Variants in BRD4 observed in about 807,000 individuals in gnomAD.
The protein encoded by BRD4 is bromodomain-containing protein 4.
BRD4 carries 16 observed loss-of-function variants against 142.1 expected under a neutral mutation model. The ratio of observed to expected loss-of-function variants is 0.11; its 90% CI spans 0.08 to 0.17. The LOEUF (loss-of-function observed/expected upper bound fraction) is 0.17. Among genes scored for constraint, BRD4 ranks in the 10% least tolerant of loss-of-function variants. BRD4 has a pLI of 1.00. For synonymous variants in BRD4, 833 were observed against 707.5 expected, an observed-to-expected ratio of 1.18 and a Z score of -2.82; for missense variants, 1,424 against 1,810.9, an observed-to-expected ratio of 0.79 and a Z score of 3.88.
intron 1 of BRD4, among the ~76,000 whole-genome samples, chr19:15,310,213 CTTTTTTT>C (rs34519343): frequency 2.5e-5 from 3 of 122,408 alleles, no homozygotes; most frequent in Admixed American, 9.1e-5. Flanking sequence ...TTAAACAGTC[CTTTTTTT>C]TTTTTTTTTT....
intron 7 of BRD4, chr19:15,257,446 C>A (rs902803696): frequency 2.0e-6 from 1 of 496,130 alleles, no homozygotes; most frequent in Non-Finnish European, 3.6e-6. Flanking sequence ...ACCGCCCAGG[C>A]AAGGACATGA....
At chr19:15,297,732 C>G (rs1211724464) in intron 1 of BRD4, among the ~76,000 whole-genome samples, 1 of 152,170 alleles carries the variant, frequency 6.6e-6, no homozygotes, top group Non-Finnish European at 1.5e-5. Flanking sequence ...TGGACTCTAA[C>G]CAGGCGTCCT....
chr19:15,279,749 C>A (rs1293283427), intron 1 of BRD4, among the ~76,000 whole-genome samples: 1 of 152,192 alleles, frequency 6.6e-6, no homozygotes, highest in African/African-American at 2.4e-5. Context: ...CAGTTCCGTC[C>A]ATCACAAGTC....
intron 5 of BRD4, 53 bp downstream of exon 5, chr19:15,265,301 C>T (rs2047519897): frequency 7.0e-7 from 1 of 1,435,982 alleles, no homozygotes; most frequent in Non-Finnish European, 9.2e-7. Context: ...CGGGCAAGGA[C>T]AGGGCCGCTC....
At chr19:15,285,851 G>A (rs369709534) in intron 1 of BRD4, among the ~76,000 whole-genome samples, 2 of 152,172 alleles carry the variant, frequency 1.3e-5, no homozygotes, top group Admixed American at 1.3e-4. Context: ...GTGGGGGCAC[G>A]AAGCACAGCA....
At chr19:15,254,330 C>A in intron 10 of BRD4, 68 bp from the exon 11 acceptor site, 2 of 1,307,728 alleles carry the variant, frequency 1.5e-6, no homozygotes, top group Non-Finnish European at 1.1e-6. Flanking sequence ...AAGCCATGGG[C>A]ACACCCCATC....
Position 15,264,675 on chromosome 19 carries a change from T to G in BRD4, c.941A>C (p.Lys314Thr). 6.2e-7 allele frequency: 1 copy of G among 1,613,606 alleles called. No homozygotes were observed. Among genetic ancestry groups the G allele is most frequent in the Non-Finnish European group, 8.5e-7 (1 of 1,180,014 alleles). The change falls in exon 6 of 20, where the codon AAG becomes ACG. Residue 314 changes from lysine (K) to threonine (T), a missense_variant. Lys to Thr is a moderately conservative substitution (Grantham distance 78). Transcript: ENST00000679869. ...CCGCCGCTGGCCCAGCTTGGTGGTC[T>G]TGGGCTCCGGGGGCAGCGAGGGTGG... Reference protein sequence around the residue: ...HEPPSLPPEPKTTKLGQRRES... With the variant: ...HEPPSLPPEPTTTKLGQRRES...
In BRD4 at chr19:15,263,410, C is replaced by A. The variant is rs1484633400; in HGVS notation, c.1341+10G>T. 6 of 1,613,136 alleles carry A rather than the reference C, an allele frequency of 3.7e-6. No individual in the cohort carries two copies. Among genetic ancestry groups the A allele is most frequent in the Non-Finnish European group, 4.2e-6 (5 of 1,179,196 alleles). ...TCTGCTGAGGGTGGCTGCGCCCTCC[C>A]AAGCCTCACCTGGAGCTTGCGGGCC... On this transcript the variant is annotated intron_variant, in intron 7 of 19. Transcript: ENST00000679869.
chr19:15,283,293 CTGA>C (rs1472179924), intron 1 of BRD4, among the ~76,000 whole-genome samples: 3 of 152,192 alleles, frequency 2.0e-5, no homozygotes, highest in African/African-American at 7.2e-5. Flanking sequence ...TTAAACTCAG[CTGA>C]TAATACACTC....
chr19:15,308,345 T>C (rs2047935634), intron 1 of BRD4, among the ~76,000 whole-genome samples: 1 of 150,772 alleles, frequency 6.6e-6, no homozygotes, highest in African/African-American at 2.4e-5. Flanking sequence ...TCCCAGCACT[T>C]TGGGAGGCCC....
intron 1 of BRD4, among the ~76,000 whole-genome samples, chr19:15,309,750 T>C (rs950423033): frequency 2.6e-5 from 4 of 152,162 alleles, no homozygotes; most frequent in African/African-American, 9.7e-5. Context: ...ATCAAAGATG[T>C]TTCCTTCTCA....
At chr19:15,260,943 C>CTT (rs898072298) in intron 7 of BRD4, among the ~76,000 whole-genome samples, 17 of 152,142 alleles carry the variant, frequency 1.1e-4, no homozygotes, top group Non-Finnish European at 2.1e-4. Flanking sequence ...TCAGAGGGTG[C>CTT]TTTTTCTTTT....
intron 11 of BRD4, among the ~76,000 whole-genome samples, chr19:15,251,249 G>A (rs956725100): frequency 6.6e-6 from 1 of 152,028 alleles, no homozygotes; most frequent in Non-Finnish European, 1.5e-5. Flanking sequence ...CAGCATCCCG[G>A]TCTATGGATA....
intron 1 of BRD4, among the ~76,000 whole-genome samples, chr19:15,325,206 G>T (rs926321441): frequency 6.6e-6 from 1 of 152,210 alleles, no homozygotes; most frequent in Admixed American, 6.5e-5. Context: ...GGCCAATGAA[G>T]CTCTGGGAAG....
chr19:15,248,619 G>C (rs994355955), intron 11 of BRD4: 1 of 226,922 alleles, frequency 4.4e-6, no homozygotes, highest in African/African-American at 2.2e-5. Context: ...GGGAACAATG[G>C]AGACGAAGGA....
At chr19:15,268,582 G>A (rs1293266856) in intron 3 of BRD4, among the ~76,000 whole-genome samples, 1 of 152,082 alleles carries the variant, frequency 6.6e-6, no homozygotes, top group African/African-American at 2.4e-5. Flanking sequence ...TTTGTCATGA[G>A]TCGCCACTAT....
At chr19:15,282,903 A>G (rs1317791650) in intron 1 of BRD4, among the ~76,000 whole-genome samples, 2 of 152,214 alleles carry the variant, frequency 1.3e-5, no homozygotes, top group Non-Finnish European at 2.9e-5. Context: ...GCAAGGCTAC[A>G]GCAGTTAAGC....
At chr19:15,300,979 A>C (rs919034048) in intron 1 of BRD4, among the ~76,000 whole-genome samples, 16 of 152,246 alleles carry the variant, frequency 1.1e-4, no homozygotes, top group African/African-American at 3.9e-4. Context: ...ACTGCATGTG[A>C]ATAGCTTTAG....
intron 1 of BRD4, among the ~76,000 whole-genome samples, chr19:15,300,570 A>G (rs2047858980): frequency 6.6e-6 from 1 of 152,092 alleles, no homozygotes; most frequent in South Asian, 2.1e-4. Flanking sequence ...AAACAAAAAC[A>G]AAAAATCAAA....
Sources: allele counts gnomAD v4.1 joint callset (sites outside exome capture counted in the v4.1 genomes callset), GRCh38; gene constraint gnomAD v4.1.1; transcripts MANE v1.5; gene names NCBI Gene and HGNC (gene_info 2026-07-23, HGNC 2026-07-21).